The following BORCS5 variants were observed in gnomAD, a reference collection of about 807,000 sequenced individuals.
BORCS5 encodes the protein BLOC-1 related complex subunit 5.
BORCS5 carries 17 observed loss-of-function variants against 22.1 expected under a neutral mutation model. The ratio of observed to expected loss-of-function variants is 0.77; its 90% CI spans 0.53 to 1.15. The LOEUF (loss-of-function observed/expected upper bound fraction) is 1.15. BORCS5 is among the 50% of genes most tolerant of loss of function. The pLI is 0.00. For missense variants in BORCS5, 247 were observed against 253.2 expected, an observed-to-expected ratio of 0.98 and a Z score of 0.17; for synonymous variants, 117 against 99.8, an observed-to-expected ratio of 1.17 and a Z score of -1.03.
rs1565817196 is a variant in BORCS5, at chr12:12,357,155, CG to C, written c.-295del. The C allele has an allele frequency of 4.6e-6, 7 of 1,532,696 alleles. 1 individual carries two copies. Among genetic ancestry groups the C allele is most frequent in the Non-Finnish European group, 6.1e-6 (7 of 1,145,558 alleles). The allele number at this position is 1,532,696 out of a possible 1,614,324, so 94.9% of individuals were successfully genotyped here. A position where few individuals can be genotyped will look rare whatever the true frequency, so the allele number is the denominator to read the frequency against. ...CGGCGCCGCCCGCCGGCCGCAGGTG[CG>C]GCAAAGCCAGTGTCATCTGCCGGTT... is the stretch of plus-strand genomic sequence containing the variant. On this transcript the variant is annotated 5_prime_UTR_variant, in exon 1 of 4. Coordinates refer to ENST00000314565, the MANE Select transcript of BORCS5 (RefSeq NM_058169.6).
chr12:12,379,759 A>G lies in BORCS5; in HGVS notation c.202+18410A>G, dbSNP rs1195655489. On this transcript the variant is annotated intron_variant, in intron 2 of 3. Transcript: ENST00000314565. ...TCTATCCAGACCATTAAAACTTTTT[A>G]TGTCAGCACTAGGGCTGTTTTTGCC... Among the ~76,000 whole-genome samples, 2 of 151,342 alleles carry G rather than the reference A, an allele frequency of 1.3e-5. 1 individual carries two copies. Among genetic ancestry groups the G allele is most frequent in the Non-Finnish European group, 3.0e-5 (2 of 67,652 alleles).
At chr12:12,465,519 T>A (rs756431522) in intron 3 of BORCS5, 27 bp from the exon 4 acceptor site, 101 of 1,602,250 alleles carry the variant, frequency 6.3e-5, no homozygotes, top group Non-Finnish European at 8.1e-5. Context: ...AAACAAGGTA[T>A]AATGTACTTC....
Position 12,466,026 on chromosome 12 carries a change from A to G in BORCS5, c.*250A>G. The G allele has an allele frequency of 2.2e-6, 1 of 461,328 alleles. No homozygotes were observed. The highest frequency in any genetic ancestry group is 3.8e-6 in the Non-Finnish European group (1 of 261,192). The allele number at this position is 461,328 out of a possible 1,614,324, so 28.6% of individuals were successfully genotyped here. On this transcript the variant is annotated 3_prime_UTR_variant, in exon 4 of 4. Transcript: ENST00000314565. Reference sequence around the variant, plus strand: ...AAGCTGGAACGTGTGAATTATTAGGAATTCTTTGAAGAACTCTGCATTGAG... The same window carrying G: ...AAGCTGGAACGTGTGAATTATTAGGGATTCTTTGAAGAACTCTGCATTGAG...
chr12:12,414,407 G>A (rs1941854787), intron 2 of BORCS5, among the ~76,000 whole-genome samples: 1 of 110,494 alleles, frequency 9.1e-6, no homozygotes, highest in Non-Finnish European at 2.0e-5. Context: ...CTCCCTCCCG[G>A]ACTGGGCGGC....
At chr12:12,371,260 C>T (rs964410598) in intron 2 of BORCS5, among the ~76,000 whole-genome samples, 21 of 152,066 alleles carry the variant, frequency 1.4e-4, no homozygotes, top group African/African-American at 4.8e-4. Context: ...TCCATAGATA[C>T]ACACCCACAC....
chr12:12,430,333 A>G (rs1026297447), intron 2 of BORCS5, among the ~76,000 whole-genome samples: 1 of 151,810 alleles, frequency 6.6e-6, no homozygotes, highest in Non-Finnish European at 1.5e-5. Context: ...TTATATTTTT[A>G]GTAGAGACGG....
intron 3 of BORCS5, among the ~76,000 whole-genome samples, chr12:12,445,444 C>A (rs938127856): frequency 1.4e-5 from 2 of 140,930 alleles, no homozygotes; most frequent in Admixed American, 1.4e-4. Flanking sequence ...TTTGTTTTAG[C>A]CTGCTTCTGT....
rs114018801 is a variant in BORCS5, at chr12:12,368,007, C to T, written c.202+6658C>T. 7.9e-3 allele frequency among the ~76,000 whole-genome samples: 1,207 copies of T among 152,324 alleles called. 22 individuals are homozygous for T. Among genetic ancestry groups the T allele is most frequent in the African/African-American group, 0.027 (1,141 of 41,574 alleles). The stretch of plus-strand genomic sequence containing the variant: ...CTTTCTCTGTTCTCATTTCTGCTGC[C>T]AAACTTACTGACTCCATGGGTGCTA... On this transcript the variant is annotated intron_variant, in intron 2 of 3. Coordinates refer to ENST00000314565, the MANE Select transcript of BORCS5 (RefSeq NM_058169.6).
rs769516282 is a variant in BORCS5 at position 12,357,414 on chromosome 12, C to T, written c.-38C>T. On this transcript the variant is annotated 5_prime_UTR_variant, in exon 1 of 4. Transcript: ENST00000314565. ...GCCCGCCGCCGGAGCGGTGACCGCC[C>T]GGCCCGCCGTTCTTCTGCTGCCACC... is the stretch of plus-strand genomic sequence containing the variant. 7 of 1,596,214 alleles carry T rather than the reference C, an allele frequency of 4.4e-6. No homozygotes were observed. Among genetic ancestry groups the T allele is most frequent in the East Asian group, 2.3e-5 (1 of 44,332 alleles).
At chr12:12,391,337 A>T (rs931172646) in intron 2 of BORCS5, among the ~76,000 whole-genome samples, 1 of 151,942 alleles carries the variant, frequency 6.6e-6, no homozygotes, top group African/African-American at 2.4e-5. Flanking sequence ...GGTAGGTGGT[A>T]AAGTGTTGGA....
rs80056450 is a variant in BORCS5, at chr12:12,435,339, A to T, written c.203-289A>T. ...CTATGTGACGTTTGGAAAGTTACTT[A>T]ACTTCTCTGTGTCTTGGCTTCCTCC... On this transcript the variant is annotated intron_variant, in intron 2 of 3. Coordinates refer to ENST00000314565, the MANE Select transcript of BORCS5 (RefSeq NM_058169.6). Among the ~76,000 whole-genome samples, 338 of 152,306 alleles carry T rather than the reference A, an allele frequency of 2.2e-3. 1 individual carries two copies. Among genetic ancestry groups the T allele is most frequent in the African/African-American group, 7.2e-3 (298 of 41,574 alleles).
intron 2 of BORCS5, among the ~76,000 whole-genome samples, chr12:12,403,019 G>A (rs1160359445): frequency 6.6e-6 from 1 of 151,460 alleles, no homozygotes; most frequent in Non-Finnish European, 1.5e-5. Context: ...GCAGTGGCTT[G>A]AGTATACACA....
chr12:12,402,346 A>AT (rs1447802516), intron 2 of BORCS5, among the ~76,000 whole-genome samples: 3 of 152,150 alleles, frequency 2.0e-5, no homozygotes, highest in Admixed American at 2.0e-4. Context: ...GGATCATGAG[A>AT]TTCGTGAATT....
intron 2 of BORCS5, 82 bp downstream of exon 2, chr12:12,361,431 A>G: frequency 6.7e-7 from 1 of 1,485,750 alleles, no homozygotes. Context: ...TTATCCATGT[A>G]TCTTGCTCTC....
At chr12:12,413,522 TC>T in intron 2 of BORCS5, among the ~76,000 whole-genome samples, 1 of 149,262 alleles carries the variant, frequency 6.7e-6, no homozygotes, top group African/African-American at 2.5e-5. Context: ...CTCAGTTTTT[TC>T]CCCACCCTTC....
At chr12:12,435,336 C>G (rs903114117) in intron 2 of BORCS5, among the ~76,000 whole-genome samples, 2 of 152,148 alleles carry the variant, frequency 1.3e-5, no homozygotes, top group Non-Finnish European at 2.9e-5. Context: ...TGGAAAGTTA[C>G]TTAACTTCTC....
intron 2 of BORCS5, among the ~76,000 whole-genome samples, chr12:12,431,102 C>T (rs761909679): frequency 1.4e-4 from 22 of 152,178 alleles, no homozygotes; most frequent in Non-Finnish European, 2.1e-4. Context: ...GAAGCTGTTG[C>T]ATCAGAGGCT....
At chr12:12,421,857 C>A (rs1942131412) in intron 2 of BORCS5, among the ~76,000 whole-genome samples, 1 of 152,116 alleles carries the variant, frequency 6.6e-6, no homozygotes, top group Admixed American at 6.5e-5. Flanking sequence ...TTATAGTGTT[C>A]TCTGATGATA....
At chr12:12,386,073 T>C (rs928303420) in intron 2 of BORCS5, among the ~76,000 whole-genome samples, 2 of 150,802 alleles carry the variant, frequency 1.3e-5, no homozygotes, top group African/African-American at 4.9e-5. Context: ...CAGTCTTGGC[T>C]CACTGCAACC....
Sources: gnomAD v4.1 joint callset for allele counts (sites outside exome capture counted in the v4.1 genomes callset) on GRCh38, gnomAD v4.1.1 for gene constraint, MANE v1.5 for transcripts, NCBI Gene and HGNC (gene_info 2026-07-23, HGNC 2026-07-21) for gene names.